EPB41L2: variants seen among roughly 807,000 people sequenced by gnomAD.
EPB41L2 encodes the protein band 4.1-like protein 2.
A neutral mutation model predicts 113.0 loss-of-function variants in EPB41L2; 43 were observed. That is an observed-to-expected ratio of 0.38 (90% CI 0.30 to 0.49). The LOEUF (loss-of-function observed/expected upper bound fraction) is 0.49, where lower values mean the gene tolerates loss of function less well. EPB41L2 is among the 20% of genes least tolerant of loss of function. EPB41L2 has a pLI of 0.95. For missense variants in EPB41L2, 1,147 were observed against 1,223.4 expected, an observed-to-expected ratio of 0.94 and a Z score of 0.93; for synonymous variants, 442 against 436.7, an observed-to-expected ratio of 1.01 and a Z score of -0.15.
intron 1 of EPB41L2, among the ~76,000 whole-genome samples, chr6:131,045,942 TTCTC>T (rs774326137): frequency 1.9e-4 from 26 of 138,556 alleles, no homozygotes; most frequent in Non-Finnish European, 3.8e-4. Context: ...ATATTTTTCT[TTCTC>T]TCTTTTTTTT....
In EPB41L2 at chr6:130,869,665, C is replaced by T. The variant is rs1439485304; in HGVS notation, c.2505G>A (p.Lys835=). 12 of 1,614,076 alleles carry T rather than the reference C, an allele frequency of 7.4e-6. No homozygotes were observed. In the African/African-American group the frequency reaches 1.5e-4, roughly 20 times the overall value. ...CCTCTGCTTCTTCTCCCATGTCTTG[C>T]TTAAGAGCGCCTTCGTGTACACTCT... ...GEKSVHEGAL[K]QDMGEEAEEE... The change falls in exon 15 of 20, where the codon AAG becomes AAA. Residue 835 remains lysine (K), a synonymous_variant. Coordinates refer to ENST00000337057, the MANE Select transcript of EPB41L2 (RefSeq NM_001431.4).
intron 1 of EPB41L2, among the ~76,000 whole-genome samples, chr6:130,977,388 AG>A (rs1364688312): frequency 6.6e-6 from 1 of 152,176 alleles, no homozygotes; most frequent in Non-Finnish European, 1.5e-5. Flanking sequence ...AGATCTCACC[AG>A]GATAGATGTC....
chr6:130,901,222 T>C (rs779776936), intron 6 of EPB41L2, 42 bp from the exon 7 acceptor site: 5 of 1,574,686 alleles, frequency 3.2e-6, no homozygotes, highest in Non-Finnish European at 4.4e-6. Flanking sequence ...GGAGAACCAT[T>C]AGGTGAGATT....
At chr6:130,925,351 G>A (rs1804349284) in intron 4 of EPB41L2, among the ~76,000 whole-genome samples, 1 of 151,756 alleles carries the variant, frequency 6.6e-6, no homozygotes, top group African/African-American at 2.4e-5. Flanking sequence ...ACCATGCCCG[G>A]CTAATTTTTG....
chr6:130,858,101 A>G (rs1341971595), intron 19 of EPB41L2, 30 bp downstream of exon 19: 8 of 1,548,866 alleles, frequency 5.2e-6, no homozygotes, highest in Non-Finnish European at 7.1e-6. Context: ...CAGTCACTAG[A>G]AAGGCCACAG....
intron 1 of EPB41L2, among the ~76,000 whole-genome samples, chr6:130,999,012 A>G (rs976475880): frequency 1.3e-5 from 2 of 152,112 alleles, no homozygotes; most frequent in African/African-American, 4.8e-5. Context: ...TGGAGGTAAG[A>G]GCCACTGTCT....
At position 130,955,214 on chromosome 6, in the gene EPB41L2, G is replaced by A. The variant is rs990389981; in HGVS notation, c.596C>T (p.Thr199Ile). ...AAKRETKEVQTNELKAEKASQ... is the reference protein window; with the variant it reads ...AAKRETKEVQINELKAEKASQ... ...TGCCTTCTCTGCTTTCAGCTCATTG[G>A]TCTGCACTTCCTTGGTCTCCCTTTT... Residue 199 changes from threonine (T) to isoleucine (I), a missense_variant, in exon 3 of 20, where the codon ACC (threonine) becomes ATC (isoleucine). Coordinates refer to ENST00000337057, the MANE Select transcript of EPB41L2 (RefSeq NM_001431.4). 4 of 1,613,898 alleles carry A rather than the reference G, an allele frequency of 2.5e-6. No homozygotes were observed. In the African/African-American group the frequency reaches 5.3e-5, roughly 22 times the overall value.
chr6:131,055,756 T>C (rs1030440742), intron 1 of EPB41L2, among the ~76,000 whole-genome samples: 2 of 152,134 alleles, frequency 1.3e-5, no homozygotes, highest in South Asian at 4.1e-4. Context: ...TACTCCAAGA[T>C]GGTGCTGCAA....
At chr6:131,006,797 T>C (rs577130641) in intron 1 of EPB41L2, among the ~76,000 whole-genome samples, 1 of 152,068 alleles carries the variant, frequency 6.6e-6, no homozygotes, top group Non-Finnish European at 1.5e-5. Context: ...TCTACAATTA[T>C]CTCAATTTCA....
intron 1 of EPB41L2, among the ~76,000 whole-genome samples, chr6:130,987,749 A>G (rs1780911532): frequency 6.6e-6 from 1 of 151,940 alleles, no homozygotes; most frequent in East Asian, 1.9e-4. Context: ...TTCTGAGAAG[A>G]AAAATTTAGG....
At position 130,872,367 on chromosome 6, in the gene EPB41L2, G is replaced by C. The variant is rs772364106; in HGVS notation, c.2044-2241C>G. ...AGTAACAGGGGAAACAAAGTAAAAT[G>C]CACCTCAAGCAAGTGTGAGAAGGGC... On this transcript the variant is annotated intron_variant, in intron 14 of 19. Coordinates refer to ENST00000337057, the MANE Select transcript of EPB41L2 (RefSeq NM_001431.4). The C allele has an allele frequency of 3.9e-6, 5 of 1,280,570 alleles. No homozygotes were observed. The South Asian group carries it at 6.3e-5, about 16-fold the overall frequency. 79.3% of individuals were successfully genotyped at this position (1,280,570 alleles called of 1,614,324 possible). A position where few individuals can be genotyped will look rare whatever the true frequency, so the allele number is the denominator to read the frequency against.
chr6:130,900,600 G>T (rs914341557), intron 7 of EPB41L2, among the ~76,000 whole-genome samples: 1 of 152,070 alleles, frequency 6.6e-6, no homozygotes, highest in African/African-American at 2.4e-5. Flanking sequence ...ACCACATATA[G>T]TAATAAGGAC....
At chr6:130,990,257 G>A (rs942762031) in intron 1 of EPB41L2, among the ~76,000 whole-genome samples, 1 of 151,896 alleles carries the variant, frequency 6.6e-6, no homozygotes, top group East Asian at 1.9e-4. Context: ...GGAGGCAGAG[G>A]TTGCAGTGAG....
chr6:130,897,785 G>A (rs1338928682), intron 8 of EPB41L2, among the ~76,000 whole-genome samples: 8 of 152,050 alleles, frequency 5.3e-5, no homozygotes, highest in Non-Finnish European at 1.0e-4. Context: ...TTTACCAGAC[G>A]GTATCAGGCA....
chr6:131,047,925 G>T (rs921142644), intron 1 of EPB41L2, among the ~76,000 whole-genome samples: 1 of 152,084 alleles, frequency 6.6e-6, no homozygotes, highest in African/African-American at 2.4e-5. Context: ...TGGATCACGA[G>T]GTCAGGAGTT....
chr6:131,010,326 T>A (rs1181165335), intron 1 of EPB41L2, among the ~76,000 whole-genome samples: 1 of 152,208 alleles, frequency 6.6e-6, no homozygotes, highest in Non-Finnish European at 1.5e-5. Flanking sequence ...ACAAGAGTGC[T>A]GTCATTGTAC....
intron 14 of EPB41L2, chr6:130,876,854 G>A (rs1787730841): frequency 7.4e-6 from 6 of 812,434 alleles, no homozygotes; most frequent in Non-Finnish European, 1.0e-5. Flanking sequence ...ACAAAATACT[G>A]ACCCAGTGTG....
chr6:130,907,898 C>T (rs903443626), intron 5 of EPB41L2, among the ~76,000 whole-genome samples: 5 of 152,076 alleles, frequency 3.3e-5, no homozygotes, highest in Admixed American at 6.5e-5. Flanking sequence ...CATGCTGGCA[C>T]CTGGAGAAGA....
chr6:130,907,201 T>C (rs1797994526), intron 5 of EPB41L2, among the ~76,000 whole-genome samples: 1 of 152,190 alleles, frequency 6.6e-6, no homozygotes, highest in Non-Finnish European at 1.5e-5. Flanking sequence ...ACTTGGCAGG[T>C]CTGGTTTCAG....
Sources: allele counts gnomAD v4.1 joint callset (sites outside exome capture counted in the v4.1 genomes callset), GRCh38; gene constraint gnomAD v4.1.1; transcripts MANE v1.5; gene names NCBI Gene and HGNC (gene_info 2026-07-23, HGNC 2026-07-21).